CHL1: variants seen among roughly 807,000 people sequenced by gnomAD.
The protein encoded by CHL1 is cell adhesion molecule L1 like, also known as neural cell adhesion molecule L1-like protein.
A neutral mutation model predicts 141.9 loss-of-function variants in CHL1; 96 were observed. The ratio of observed to expected loss-of-function variants is 0.68; its 90% CI spans 0.57 to 0.80. The LOEUF is 0.80. Ranked by LOEUF, CHL1 falls within the 30% of genes least tolerant of loss-of-function variation. The pLI is 0.00. For synonymous variants in CHL1, 613 were observed against 502.2 expected (o/e 1.22, Z -2.95); for missense variants, 1,820 against 1,457.2 (o/e 1.25, Z -4.05).
In CHL1 at chr3:266,490, A is replaced by G. The variant is rs1695164481; in HGVS notation, c.-95+21798A>G. Among the ~76,000 whole-genome samples, 4 of 152,132 alleles carry G rather than the reference A, an allele frequency of 2.6e-5. No homozygotes were observed. In the South Asian group the frequency reaches 6.2e-4, roughly 24 times the overall value. On this transcript the variant is annotated intron_variant, in intron 2 of 27. Coordinates refer to ENST00000256509, the MANE Select transcript of CHL1 (RefSeq NM_006614.4). ...TTCTTTGGAATTAATAAAAATTATG[A>G]GCAAACTGACTCCTTTCCTGAGGTA...
At chr3:215,655 A>C (rs930238943) in intron 1 of CHL1, among the ~76,000 whole-genome samples, 2 of 152,196 alleles carry the variant, frequency 1.3e-5, no homozygotes, top group Non-Finnish European at 2.9e-5. Flanking sequence ...AGATGTGTGT[A>C]CTTATTGTGT....
At chr3:302,555 T>C (rs1257349537) in intron 2 of CHL1, among the ~76,000 whole-genome samples, 1 of 152,240 alleles carries the variant, frequency 6.6e-6, no homozygotes. Flanking sequence ...TTTTGAGAAA[T>C]GTCTGTTCAT....
chr3:260,414 A>C (rs1188132209), intron 2 of CHL1, among the ~76,000 whole-genome samples: 1 of 152,222 alleles, frequency 6.6e-6, no homozygotes, highest in African/African-American at 2.4e-5. Context: ...GGCCAACTGG[A>C]GATCACTATC....
intron 2 of CHL1, among the ~76,000 whole-genome samples, chr3:304,255 T>G (rs1327727699): frequency 6.6e-6 from 1 of 152,176 alleles, no homozygotes; most frequent in Admixed American, 6.5e-5. Context: ...GCTGGCCTCA[T>G]AAAATGAGTT....
rs1231181528 is a variant in CHL1, at chr3:197,027, G to A, written c.-211G>A. On this transcript the variant is annotated 5_prime_UTR_variant, in exon 1 of 28. Coordinates refer to ENST00000256509, the MANE Select transcript of CHL1 (RefSeq NM_006614.4). ...GCTCGGGGGAGAAGGCGCCCGAGGG[G>A]AGGCGCCGGACAGATCGCGTTTCGG... is the stretch of plus-strand genomic sequence containing the variant. The A allele has an allele frequency of 6.6e-6, 1 of 152,230 alleles. No homozygotes were observed. Among genetic ancestry groups the A allele is most frequent in the African/African-American group, 2.4e-5 (1 of 41,448 alleles). 9.4% of individuals were successfully genotyped at this position (152,230 alleles called of 1,614,324 possible).
intron 9 of CHL1, among the ~76,000 whole-genome samples, 190 bp from the exon 10 acceptor site, chr3:349,169 A>C (rs1703025148): frequency 2.0e-5 from 3 of 152,162 alleles, no homozygotes; most frequent in Admixed American, 2.0e-4. Flanking sequence ...AGTGAAAGAG[A>C]CTTGCTTCAA....
intron 1 of CHL1, among the ~76,000 whole-genome samples, chr3:205,523 T>C (rs1699352599): frequency 6.6e-6 from 1 of 152,214 alleles, no homozygotes; most frequent in African/African-American, 2.4e-5. Context: ...AGGGGAAAAA[T>C]TGAAAATGTT....
intron 5 of CHL1, among the ~76,000 whole-genome samples, chr3:331,720 T>C (rs1456177095): frequency 6.6e-6 from 1 of 152,318 alleles, no homozygotes; most frequent in East Asian, 1.9e-4. Flanking sequence ...AAATGGTATG[T>C]ATTCATAAAT....
intron 1 of CHL1, among the ~76,000 whole-genome samples, chr3:226,002 C>T (rs1701305024): frequency 1.4e-5 from 2 of 147,952 alleles, no homozygotes; most frequent in Non-Finnish European, 3.0e-5. Context: ...GAATGAGACT[C>T]TGTCTAAAAA....
Position 341,998 on chromosome 3 carries a change from C to T in CHL1, c.595C>T (p.Arg199Cys), listed in dbSNP as rs372072266. 1.8e-5 allele frequency: 29 copies of T among 1,613,068 alleles called. No homozygotes were observed. The African/African-American group carries it at 2.0e-4, about 11-fold the overall frequency. ...CGCAAACGTGGAAGAAAAGGACAGT[C>T]GCAATGACTACTGTTGCTTTGCTGC... Reference protein sequence around the residue: ...YFANVEEKDSRNDYCCFAAFP... With the variant: ...YFANVEEKDSCNDYCCFAAFP... Residue 199 changes from arginine to cysteine, a missense_variant, in exon 7 of 28, where the codon CGC (arginine) becomes TGC (cysteine). Physicochemically the swap from Arg to Cys is radical, Grantham distance 180. Transcript: ENST00000256509.
At chr3:225,902 G>A (rs1040395064) in intron 1 of CHL1, among the ~76,000 whole-genome samples, 8 of 151,732 alleles carry the variant, frequency 5.3e-5, no homozygotes, top group Non-Finnish European at 1.2e-4. Context: ...CCAGCTACTC[G>A]GGGGGCTGAG....
chr3:219,423 C>T (rs2124964857), intron 1 of CHL1, among the ~76,000 whole-genome samples: 1 of 152,208 alleles, frequency 6.6e-6, no homozygotes, highest in South Asian at 2.1e-4. Context: ...GACATAAAAT[C>T]AACCTAAATG....
chr3:327,874 A>C (rs1378037387), intron 4 of CHL1, among the ~76,000 whole-genome samples: 21 of 151,940 alleles, frequency 1.4e-4, no homozygotes, highest in Admixed American at 1.4e-3. Flanking sequence ...AGTCTCCAGA[A>C]TATTAATAAT....
intron 2 of CHL1, among the ~76,000 whole-genome samples, chr3:312,362 A>G (rs1202010336): frequency 2.0e-5 from 3 of 152,164 alleles, no homozygotes; most frequent in Admixed American, 6.5e-5. Flanking sequence ...TTGAATGGAT[A>G]TGGCTATAAT....
chr3:208,153 C>G (rs1429214057), intron 1 of CHL1, among the ~76,000 whole-genome samples: 1 of 152,158 alleles, frequency 6.6e-6, no homozygotes, highest in Non-Finnish European at 1.5e-5. Flanking sequence ...AGGAAAGAAA[C>G]ATTGACTGCT....
At chr3:344,949 A>G (rs568964811) in intron 9 of CHL1, among the ~76,000 whole-genome samples, 12 of 152,308 alleles carry the variant, frequency 7.9e-5, no homozygotes, top group South Asian at 2.1e-4. Context: ...TGATAATGCC[A>G]TTGCACTAAA....
Position 361,459 on chromosome 3 carries a change from T to C in CHL1, c.1307-240T>C, listed in dbSNP as rs183732207. Among the ~76,000 whole-genome samples the C allele has an allele frequency of 7.8e-3, 1,183 of 150,838 alleles. 6 individuals are homozygous for C. The highest frequency in any genetic ancestry group is 0.012 in the South Asian group (57 of 4,688). ...AACCTACAAAATGGGAGAAAATTTT[T>C]GCAACCTACTCATCTGACAAAGGGC... is the stretch of plus-strand genomic sequence containing the variant. On this transcript the variant is annotated intron_variant, in intron 12 of 27. Coordinates refer to ENST00000256509, the MANE Select transcript of CHL1 (RefSeq NM_006614.4).
intron 15 of CHL1, chr3:373,840 G>A (rs1705957936): frequency 6.6e-6 from 1 of 152,282 alleles, no homozygotes; most frequent in Non-Finnish European, 1.5e-5. Flanking sequence ...TGGGGGGAAG[G>A]GTCTCCCCTG....
chr3:333,831 T>C (rs1701652078), intron 5 of CHL1, among the ~76,000 whole-genome samples: 1 of 152,240 alleles, frequency 6.6e-6, no homozygotes, highest in Non-Finnish European at 1.5e-5. Context: ...ATAATCCTAA[T>C]TTGACTGTTG....
Sources: gnomAD v4.1 joint callset for allele counts (sites outside exome capture counted in the v4.1 genomes callset) on GRCh38, gnomAD v4.1.1 for gene constraint, MANE v1.5 for transcripts, NCBI Gene and HGNC (gene_info 2026-07-23, HGNC 2026-07-21) for gene names.